LSAMP: variants seen among roughly 807,000 people sequenced by gnomAD.
The protein encoded by LSAMP is limbic system-associated membrane protein.
In LSAMP, 7 loss-of-function variants were observed where a neutral mutation model predicts 38.6. The observed-to-expected ratio is 0.18, with a 90% CI of 0.10 to 0.34. The LOEUF (loss-of-function observed/expected upper bound fraction) is 0.34. Ranked by LOEUF, LSAMP falls within the 10% of genes least tolerant of loss-of-function variation. LSAMP has a pLI of 1.00. For synonymous variants in LSAMP, 154 were observed against 166.8 expected, an observed-to-expected ratio of 0.92 and a Z score of 0.59; for missense variants, 313 against 420.0, an observed-to-expected ratio of 0.75 and a Z score of 2.23.
chr3:115,900,548 C>T (rs1272003446), intron 3 of LSAMP, among the ~76,000 whole-genome samples: 2 of 150,214 alleles, frequency 1.3e-5, no homozygotes, highest in African/African-American at 4.9e-5. Flanking sequence ...TAATTGATAC[C>T]AGAGTCAGCT....
At chr3:116,110,337 C>T (rs961000896) in intron 1 of LSAMP, among the ~76,000 whole-genome samples, 1 of 152,100 alleles carries the variant, frequency 6.6e-6, no homozygotes, top group Non-Finnish European at 1.5e-5. Context: ...CCCAGAAAAG[C>T]AGGTCTTGCC....
intron 1 of LSAMP, among the ~76,000 whole-genome samples, chr3:116,430,065 C>A (rs974345491): frequency 6.6e-6 from 1 of 152,042 alleles, no homozygotes; most frequent in African/African-American, 2.4e-5. Context: ...CAGCATTTGA[C>A]CTGATTAATC....
intron 1 of LSAMP, among the ~76,000 whole-genome samples, chr3:116,367,623 G>C (rs907301125): frequency 4.0e-5 from 6 of 151,126 alleles, no homozygotes; most frequent in Non-Finnish European, 7.4e-5. Context: ...TCCTGCCTCA[G>C]GCTCCCGAGT....
intron 1 of LSAMP, among the ~76,000 whole-genome samples, chr3:116,411,049 A>G (rs1206321586): frequency 6.6e-6 from 1 of 152,122 alleles, no homozygotes; most frequent in Non-Finnish European, 1.5e-5. Context: ...TGGCCATCAG[A>G]GAAATGCAAA....
chr3:116,392,089 C>T (rs941288566), intron 1 of LSAMP, among the ~76,000 whole-genome samples: 1 of 152,162 alleles, frequency 6.6e-6, no homozygotes, highest in Non-Finnish European at 1.5e-5. Flanking sequence ...GCCCTGAAAG[C>T]CTGCCCAGGC....
At chr3:116,190,665 T>C (rs921890564) in intron 1 of LSAMP, among the ~76,000 whole-genome samples, 1 of 152,220 alleles carries the variant, frequency 6.6e-6, no homozygotes, top group African/African-American at 2.4e-5. Flanking sequence ...TCTATTATTA[T>C]ATATGTAATT....
At chr3:115,885,725 A>T (rs1386470906) in intron 3 of LSAMP, among the ~76,000 whole-genome samples, 1 of 151,762 alleles carries the variant, frequency 6.6e-6, no homozygotes, top group African/African-American at 2.4e-5. Context: ...TATCAATCGG[A>T]ATACTGGAAA....
At chr3:116,247,459 G>T (rs1476175476) in intron 1 of LSAMP, among the ~76,000 whole-genome samples, 3 of 152,314 alleles carry the variant, frequency 2.0e-5, no homozygotes, top group African/African-American at 7.2e-5. Context: ...AAGTATTTAA[G>T]AATGTTTACA....
chr3:116,119,768 C>T (rs1471328754), intron 1 of LSAMP, among the ~76,000 whole-genome samples: 2 of 151,108 alleles, frequency 1.3e-5, no homozygotes, highest in Non-Finnish European at 2.9e-5. Flanking sequence ...AAGTGAGATT[C>T]TCCTGCCTCA....
At chr3:116,441,666 T>C (rs1196987615) in intron 1 of LSAMP, among the ~76,000 whole-genome samples, 1 of 152,194 alleles carries the variant, frequency 6.6e-6, no homozygotes, top group African/African-American at 2.4e-5. Flanking sequence ...TGTTAGAAAC[T>C]TATCCTGTAA....
At chr3:116,120,647 G>A (rs767860216) in intron 1 of LSAMP, among the ~76,000 whole-genome samples, 22 of 152,188 alleles carry the variant, frequency 1.4e-4, no homozygotes, top group Admixed American at 6.5e-5. Flanking sequence ...CCAGGTTCTG[G>A]AGCAGTTAAG....
intron 3 of LSAMP, among the ~76,000 whole-genome samples, chr3:115,956,881 C>A (rs1938471388): frequency 2.0e-5 from 3 of 152,146 alleles, no homozygotes. Flanking sequence ...CAGCCCTAAT[C>A]TCCCCTTACA....
chr3:115,884,718 G>A (rs563093768), intron 3 of LSAMP, among the ~76,000 whole-genome samples: 4 of 152,126 alleles, frequency 2.6e-5, no homozygotes, highest in Admixed American at 2.0e-4. Context: ...TCTAAAATAA[G>A]ATTGAGCTTT....
intron 1 of LSAMP, among the ~76,000 whole-genome samples, chr3:116,275,245 G>C (rs1187991457): frequency 1.3e-5 from 2 of 151,890 alleles, no homozygotes; most frequent in Admixed American, 6.6e-5. Flanking sequence ...ATAGAGACAG[G>C]TCTCACTATG....
intron 1 of LSAMP, among the ~76,000 whole-genome samples, chr3:116,127,694 CATTTTTTT>C (rs1342761124): frequency 4.8e-4 from 49 of 101,364 alleles, no homozygotes; most frequent in African/African-American, 2.0e-3. Flanking sequence ...AGTGTTTGTT[CATTTTTTT>C]TTTTTTTTTT....
At chr3:116,269,333 T>C (rs1302969529) in intron 1 of LSAMP, among the ~76,000 whole-genome samples, 2 of 152,120 alleles carry the variant, frequency 1.3e-5, no homozygotes, top group African/African-American at 2.4e-5. Context: ...AAATAAAATA[T>C]GCAACACACA....
intron 3 of LSAMP, among the ~76,000 whole-genome samples, chr3:116,004,650 ATATG>A (rs1440650117): frequency 1.3e-5 from 2 of 151,548 alleles, no homozygotes; most frequent in Non-Finnish European, 2.9e-5. Context: ...GTATATACAT[ATATG>A]TATATATGTA....
chr3:115,902,631 T>TA (rs1036404827), intron 3 of LSAMP, among the ~76,000 whole-genome samples: 16 of 152,128 alleles, frequency 1.1e-4, no homozygotes, highest in Non-Finnish European at 2.2e-4. Context: ...ATAAGGAACT[T>TA]AAAAAAATTT....
chr3:116,100,410 A>G (rs1219768155), intron 1 of LSAMP, among the ~76,000 whole-genome samples: 4 of 151,836 alleles, frequency 2.6e-5, no homozygotes, highest in Non-Finnish European at 5.9e-5. Context: ...CTTTTTCTTC[A>G]TGTGTCTTAT....
Sources: allele counts gnomAD v4.1 joint callset (sites outside exome capture counted in the v4.1 genomes callset), GRCh38; gene constraint gnomAD v4.1.1; transcripts MANE v1.5; gene names NCBI Gene and HGNC (gene_info 2026-07-23, HGNC 2026-07-21).